ZFAND6: variants seen among roughly 807,000 people sequenced by gnomAD.
ZFAND6 encodes the protein zinc finger AN1-type containing 6, also known as AN1-type zinc finger protein 6.
ZFAND6 carries 12 observed loss-of-function variants against 24.5 expected under a neutral mutation model. The observed-to-expected ratio is 0.49, with a 90% CI of 0.31 to 0.79. The LOEUF is 0.79. Among genes scored for constraint, ZFAND6 ranks in the 30% least tolerant of loss-of-function variants. The pLI, the probability that ZFAND6 is intolerant of heterozygous loss-of-function variation, is 0.04. For missense variants in ZFAND6, 207 were observed against 245.9 expected (o/e 0.84, Z 1.06); for synonymous variants, 92 against 81.5 (o/e 1.13, Z -0.69).
chr15:80,087,566 A>C (rs1473808414), intron 1 of ZFAND6, among the ~76,000 whole-genome samples: 5 of 152,014 alleles, frequency 3.3e-5, no homozygotes, highest in Non-Finnish European at 5.9e-5. Context: ...TCTCTCCTCT[A>C]GCTTCAGTTC....
At chr15:80,091,280 C>T (rs1415558510) in intron 1 of ZFAND6, among the ~76,000 whole-genome samples, 1 of 151,870 alleles carries the variant, frequency 6.6e-6, no homozygotes, top group Non-Finnish European at 1.5e-5. Flanking sequence ...ACGTGAAAAT[C>T]TAGAGGTGTT....
intron 5 of ZFAND6, among the ~76,000 whole-genome samples, chr15:80,123,263 C>T (rs2040226765): frequency 6.6e-6 from 1 of 152,176 alleles, no homozygotes. Context: ...CTCGTATTCA[C>T]AGCATGGTAT....
intron 5 of ZFAND6, among the ~76,000 whole-genome samples, chr15:80,127,626 C>T (rs758351740): frequency 6.9e-6 from 1 of 145,582 alleles, no homozygotes; most frequent in Non-Finnish European, 1.5e-5. Flanking sequence ...CCATGCTCAA[C>T]TTCATTAGAT....
chr15:80,104,194 A>G (rs2039190180), intron 2 of ZFAND6, among the ~76,000 whole-genome samples: 1 of 152,148 alleles, frequency 6.6e-6, no homozygotes, highest in African/African-American at 2.4e-5. Context: ...TGTTAACTGA[A>G]GGTGGCCATG....
At chr15:80,096,661 AATT>A (rs2038740627) in intron 1 of ZFAND6, among the ~76,000 whole-genome samples, 1 of 152,214 alleles carries the variant, frequency 6.6e-6, no homozygotes, top group Non-Finnish European at 1.5e-5. Context: ...GGTGTTTTTG[AATT>A]ATGTTGCTAA....
chr15:80,107,421 C>A (rs774968155), intron 2 of ZFAND6, among the ~76,000 whole-genome samples: 1 of 152,178 alleles, frequency 6.6e-6, no homozygotes, highest in Admixed American at 6.5e-5. Flanking sequence ...GGTTTGGTGC[C>A]GCTGTCTTGA....
chr15:80,105,569 C>T (rs1462299859), intron 2 of ZFAND6, among the ~76,000 whole-genome samples: 5 of 152,136 alleles, frequency 3.3e-5, no homozygotes, highest in Admixed American at 6.5e-5. Flanking sequence ...TCACAATCAC[C>T]GTCCCAGTTG....
At chr15:80,089,084 T>C (rs1311743062) in intron 1 of ZFAND6, among the ~76,000 whole-genome samples, 2 of 152,072 alleles carry the variant, frequency 1.3e-5, no homozygotes, top group African/African-American at 4.8e-5. Flanking sequence ...TTTTCACTTT[T>C]ACAGCTGTTA....
Position 80,061,026 on chromosome 15 carries a change from A to G in ZFAND6, c.-181+1217A>G, listed in dbSNP as rs111451964. On this transcript the variant is annotated intron_variant, in intron 1 of 6. Transcript: ENST00000261749. Reference sequence around the variant, plus strand: ...TGATTTTTTAAAAGTGTAAAATACCATAAACTTTTAAGGTTAGTTGTTCGG... The same window carrying G: ...TGATTTTTTAAAAGTGTAAAATACCGTAAACTTTTAAGGTTAGTTGTTCGG... 8.9e-3 allele frequency among the ~76,000 whole-genome samples: 1,353 copies of G among 152,358 alleles called. 24 individuals are homozygous for G. The highest frequency in any genetic ancestry group is 0.031 in the African/African-American group (1,283 of 41,584).
intron 3 of ZFAND6, 43 bp from the exon 4 acceptor site, chr15:80,121,669 T>C (rs745456893): frequency 6.5e-7 from 1 of 1,528,706 alleles, no homozygotes. Flanking sequence ...CTTAGACTGC[T>C]GAGCATATAG....
chr15:80,061,406 A>G (rs952719179), intron 1 of ZFAND6, among the ~76,000 whole-genome samples: 1 of 152,214 alleles, frequency 6.6e-6, no homozygotes, highest in African/African-American at 2.4e-5. Context: ...AAAACACGGT[A>G]AAGTATAAGC....
chr15:80,087,983 C>G (rs2038106147), intron 1 of ZFAND6, among the ~76,000 whole-genome samples: 1 of 152,176 alleles, frequency 6.6e-6, no homozygotes, highest in African/African-American at 2.4e-5. Context: ...CCCCTACATA[C>G]TTCAGTATAT....
chr15:80,075,839 C>T (rs2037243240), intron 1 of ZFAND6, among the ~76,000 whole-genome samples: 1 of 152,056 alleles, frequency 6.6e-6, no homozygotes. Flanking sequence ...GTTAGTAGTG[C>T]TTTGGTAGAA....
At chr15:80,122,161 A>G (rs1337760455) in intron 4 of ZFAND6, among the ~76,000 whole-genome samples, 1 of 152,186 alleles carries the variant, frequency 6.6e-6, no homozygotes, top group Non-Finnish European at 1.5e-5. Context: ...GTCTTGTCAC[A>G]CATTATCTTT....
chr15:80,126,641 C>A (rs1054212609), intron 5 of ZFAND6, among the ~76,000 whole-genome samples: 1 of 152,092 alleles, frequency 6.6e-6, no homozygotes, highest in African/African-American at 2.4e-5. Context: ...AAAATTCACC[C>A]GAAATACATC....
chr15:80,122,898 TG>T, intron 5 of ZFAND6, 98 bp downstream of exon 5: 1 of 737,644 alleles, frequency 1.4e-6, no homozygotes, highest in East Asian at 2.8e-5. Context: ...TTAAAATACA[TG>T]TTTTTCTGTT....
chr15:80,123,114 CTG>C (rs2040219366), intron 5 of ZFAND6: 1 of 173,416 alleles, frequency 5.8e-6, no homozygotes, highest in African/African-American at 2.4e-5. Context: ...ATATACTACT[CTG>C]TAAGAAAACT....
At chr15:80,068,228 G>A (rs1311436457) in intron 1 of ZFAND6, among the ~76,000 whole-genome samples, 2 of 151,504 alleles carry the variant, frequency 1.3e-5, no homozygotes, top group East Asian at 3.9e-4. Flanking sequence ...GCTCACTGTA[G>A]TCTCAACCTC....
At chr15:80,065,767 A>G in intron 1 of ZFAND6, among the ~76,000 whole-genome samples, 1 of 150,914 alleles carries the variant, frequency 6.6e-6, no homozygotes, top group Non-Finnish European at 1.5e-5. Context: ...CTGGTCTCGA[A>G]CCCCTGACCT....
Sources: gnomAD v4.1 joint callset for allele counts (sites outside exome capture counted in the v4.1 genomes callset) on GRCh38, gnomAD v4.1.1 for gene constraint, MANE v1.5 for transcripts, NCBI Gene and HGNC (gene_info 2026-07-23, HGNC 2026-07-21) for gene names.